INPP4B: variants seen among roughly 807,000 people sequenced by gnomAD.
The protein encoded by INPP4B is inositol polyphosphate-4-phosphatase type II B.
Under a neutral mutation model 122.5 loss-of-function variants are expected in INPP4B, and 55 were observed. The ratio of observed to expected loss-of-function variants is 0.45; its 90% confidence interval spans 0.36 to 0.56. The LOEUF is 0.56. Ranked by LOEUF, INPP4B falls within the 20% of genes least tolerant of loss-of-function variation. The probability of loss-of-function intolerance (pLI) is 0.00; values close to 1 mark genes in which losing one functional copy is unlikely to be tolerated. For missense variants in INPP4B, 1,000 were observed against 1,097.7 expected, an observed-to-expected ratio of 0.91 and a Z score of 1.26; for synonymous variants, 403 against 388.7, an observed-to-expected ratio of 1.04 and a Z score of -0.43.
chr4:142,244,496 G>C (rs1174307079), intron 11 of INPP4B, among the ~76,000 whole-genome samples: 1 of 151,678 alleles, frequency 6.6e-6, no homozygotes, highest in Non-Finnish European at 1.5e-5. Flanking sequence ...GTAGAGGCAG[G>C]GTTTCACTGT....
Position 142,535,198 on chromosome 4 carries a change from T to A in INPP4B, c.-190-72472A>T, listed in dbSNP as rs780550873. 3.3e-5 allele frequency among the ~76,000 whole-genome samples: 5 copies of A among 152,320 alleles called. No individual in the cohort carries two copies. The Middle Eastern group carries it at 0.017, about 518-fold the overall frequency. ...AAGTCCCTGAGCATCTAGAGACACA[T>A]CTTTTGTCTGATGTTGTCCCTTGAG... On this transcript the variant is annotated intron_variant, in intron 2 of 25. Transcript: ENST00000262992.
intron 9 of INPP4B, among the ~76,000 whole-genome samples, chr4:142,296,926 G>A (rs560805785): frequency 9.2e-5 from 14 of 152,278 alleles, no homozygotes; most frequent in African/African-American, 3.4e-4. Context: ...ATAAGAAGAT[G>A]TTCCTACTTC....
intron 18 of INPP4B, among the ~76,000 whole-genome samples, chr4:142,133,295 T>C (rs1802272420): frequency 6.6e-6 from 1 of 152,180 alleles, no homozygotes; most frequent in Non-Finnish European, 1.5e-5. Flanking sequence ...AGCCTGAATA[T>C]GTCTCCTGAA....
chr4:142,214,370 A>T (rs1846150057), intron 12 of INPP4B, among the ~76,000 whole-genome samples: 3 of 152,164 alleles, frequency 2.0e-5, no homozygotes, highest in Non-Finnish European at 4.4e-5. Flanking sequence ...TGGTAACCCC[A>T]GGATTTGTAA....
intron 14 of INPP4B, among the ~76,000 whole-genome samples, chr4:142,197,892 T>C (rs1839018080): frequency 6.6e-6 from 1 of 152,118 alleles, no homozygotes; most frequent in African/African-American, 2.4e-5. Context: ...TGATATATTT[T>C]CCAAAGTCTG....
intron 2 of INPP4B, among the ~76,000 whole-genome samples, chr4:142,479,590 G>T (rs1184431532): frequency 6.6e-6 from 1 of 152,042 alleles, no homozygotes; most frequent in Non-Finnish European, 1.5e-5. Flanking sequence ...ACTAGATAAA[G>T]AAAATATGGT....
intron 2 of INPP4B, among the ~76,000 whole-genome samples, chr4:142,598,786 T>TGTGCTCAGACTC (rs1372702689): frequency 3.9e-5 from 6 of 152,142 alleles, no homozygotes; most frequent in Admixed American, 3.3e-4. Flanking sequence ...GAGCTGCCTC[T>TGTGCTCAGACTC]GTGCTCAGAC....
chr4:142,360,493 T>C (rs1410246455), intron 7 of INPP4B, among the ~76,000 whole-genome samples: 1 of 151,998 alleles, frequency 6.6e-6, no homozygotes, highest in Non-Finnish European at 1.5e-5. Context: ...ACCCTGAACG[T>C]ACATATCACA....
chr4:142,670,213 T>TG lies in INPP4B; in HGVS notation c.-191+55625dup, dbSNP rs541411447. Among the ~76,000 whole-genome samples the TG allele has an allele frequency of 1.5e-3, 234 of 152,288 alleles. 1 individual carries two copies. The highest frequency in any genetic ancestry group is 0.015 in the Admixed American group (223 of 15,292). Reference sequence around the variant, plus strand: ...GCTATTTGTGGTATCAGACGTTCACTGGTGCCTTGGAACATGTCCTGCAGA... The same window carrying TG: ...GCTATTTGTGGTATCAGACGTTCACTGGGTGCCTTGGAACATGTCCTGCAGA... On this transcript the variant is annotated intron_variant, in intron 2 of 25. Transcript: ENST00000262992.
intron 1 of INPP4B, among the ~76,000 whole-genome samples, chr4:142,829,671 T>A (rs768339612): frequency 6.6e-6 from 1 of 152,132 alleles, no homozygotes; most frequent in Non-Finnish European, 1.5e-5. Flanking sequence ...TGGAGCAATA[T>A]CCTCAAAGTG....
intron 2 of INPP4B, among the ~76,000 whole-genome samples, chr4:142,642,571 T>G (rs1750755855): frequency 6.6e-6 from 1 of 152,194 alleles, no homozygotes; most frequent in Non-Finnish European, 1.5e-5. Flanking sequence ...AAAGATCAGA[T>G]AGTTGTAGAT....
chr4:142,283,163 G>T (rs1169583897), intron 9 of INPP4B, among the ~76,000 whole-genome samples: 1 of 151,956 alleles, frequency 6.6e-6, no homozygotes, highest in Non-Finnish European at 1.5e-5. Context: ...TGACTGACTG[G>T]CTATAGAGAA....
intron 2 of INPP4B, among the ~76,000 whole-genome samples, chr4:142,499,968 C>A (rs912538160): frequency 1.4e-4 from 21 of 152,124 alleles, no homozygotes; most frequent in African/African-American, 4.6e-4. Flanking sequence ...GAGGCCAAAT[C>A]CCCTGCCTGG....
rs1732654555 is a variant in INPP4B at position 142,570,898 on chromosome 4, A to T, written c.-190-108172T>A. On this transcript the variant is annotated intron_variant, in intron 2 of 25. Transcript: ENST00000262992. Reference sequence around the variant, plus strand: ...GACATATTAATATTTTACCCTATAAAAACCCAAAGTCTACCATCAGACCTT... The same window carrying T: ...GACATATTAATATTTTACCCTATAATAACCCAAAGTCTACCATCAGACCTT... Among the ~76,000 whole-genome samples the T allele has an allele frequency of 2.0e-5, 3 of 151,810 alleles. No homozygotes were observed. In the South Asian group the frequency reaches 6.2e-4, roughly 32 times the overall value.
chr4:142,410,634 A>G (rs890274464), intron 5 of INPP4B, among the ~76,000 whole-genome samples: 3 of 152,228 alleles, frequency 2.0e-5, no homozygotes, highest in African/African-American at 7.2e-5. Context: ...AACTTAAGAT[A>G]AAACCTTATT....
At position 142,273,341 on chromosome 4, in the gene INPP4B, TTAC is replaced by T. The variant is rs764794232; in HGVS notation, c.504-2570_504-2568del. Among the ~76,000 whole-genome samples the T allele has an allele frequency of 8.6e-5, 13 of 151,936 alleles. 1 individual carries two copies. Among genetic ancestry groups the T allele is most frequent in the Non-Finnish European group, 1.3e-4 (9 of 67,848 alleles). On this transcript the variant is annotated intron_variant, in intron 9 of 25. Coordinates refer to ENST00000262992, the MANE Select transcript of INPP4B (RefSeq NM_001101669.3). ...TTTAATTTGATGCTCTCAAGAAATT[TTAC>T]TGAAATCGATATCTGAGACTATAGT...
chr4:142,106,365 G>C (rs1787102424), intron 23 of INPP4B, among the ~76,000 whole-genome samples: 1 of 152,026 alleles, frequency 6.6e-6, no homozygotes, highest in African/African-American at 2.4e-5. Context: ...TGCAACTTCT[G>C]TCTCCCGGGC....
At chr4:142,599,104 T>G (rs1739330598) in intron 2 of INPP4B, among the ~76,000 whole-genome samples, 2 of 152,162 alleles carry the variant, frequency 1.3e-5, no homozygotes, top group African/African-American at 4.8e-5. Flanking sequence ...CCAGTAAGTA[T>G]GTCTTGGGAC....
intron 7 of INPP4B, among the ~76,000 whole-genome samples, chr4:142,359,715 A>T (rs1234122887): frequency 6.6e-6 from 1 of 152,026 alleles, no homozygotes; most frequent in Non-Finnish European, 1.5e-5. Context: ...GAAGATAATA[A>T]CACATTGACT....
Sources: allele counts gnomAD v4.1 joint callset (sites outside exome capture counted in the v4.1 genomes callset), GRCh38; gene constraint gnomAD v4.1.1; transcripts MANE v1.5; gene names NCBI Gene and HGNC (gene_info 2026-07-23, HGNC 2026-07-21).